The following L2HGDH variants were observed in gnomAD, a reference collection of about 807,000 sequenced individuals.
L2HGDH encodes the protein L-2-hydroxyglutarate dehydrogenase.
In L2HGDH, 34 loss-of-function variants were observed where a neutral mutation model predicts 51.5. The ratio of observed to expected loss-of-function variants is 0.66; its 90% CI spans 0.50 to 0.88. The LOEUF (loss-of-function observed/expected upper bound fraction) is 0.88, where lower values mean the gene tolerates loss of function less well. Among genes scored for constraint, L2HGDH ranks in the 40% least tolerant of loss-of-function variants. The pLI is 0.00. For missense variants in L2HGDH, 558 were observed against 571.9 expected (o/e 0.98, Z 0.25); for synonymous variants, 198 against 197.9 (o/e 1.00, Z -0.01).
chr14:50,282,507 T>C (rs1308579137), intron 5 of L2HGDH: 2 of 456,032 alleles, frequency 4.4e-6, no homozygotes, highest in African/African-American at 4.0e-5. Flanking sequence ...TTATTCAGCT[T>C]GTGGGGAACA....
chr14:50,277,014 T>C (rs1465159), intron 6 of L2HGDH, among the ~76,000 whole-genome samples: 86,820 of 151,954 alleles, frequency 0.57, 24,816 homozygotes, highest in East Asian at 0.66. Flanking sequence ...AAAATGTCTC[T>C]AAACATTGCC....
intron 7 of L2HGDH, among the ~76,000 whole-genome samples, chr14:50,268,562 C>T (rs943676182): frequency 6.6e-5 from 10 of 152,012 alleles, no homozygotes; most frequent in African/African-American, 2.4e-4. Context: ...GAAAAAAATA[C>T]ACATTCATAG....
intron 5 of L2HGDH, among the ~76,000 whole-genome samples, chr14:50,280,628 G>A (rs1006482904): frequency 1.4e-4 from 22 of 152,014 alleles, no homozygotes; most frequent in African/African-American, 5.1e-4. Flanking sequence ...GTACATCTGA[G>A]TCCCATAGGA....
At chr14:50,307,243 T>C (rs1414294272) in intron 1 of L2HGDH, among the ~76,000 whole-genome samples, 1 of 152,188 alleles carries the variant, frequency 6.6e-6, no homozygotes, top group Admixed American at 6.6e-5. Flanking sequence ...CAACTATCAA[T>C]AAACCCTTCT....
At chr14:50,289,006 C>G (rs1258992962) in intron 4 of L2HGDH, among the ~76,000 whole-genome samples, 3 of 152,138 alleles carry the variant, frequency 2.0e-5, no homozygotes, top group African/African-American at 7.2e-5. Context: ...TGGGTTTAAT[C>G]TAAATTTTTT....
intron 4 of L2HGDH, among the ~76,000 whole-genome samples, chr14:50,284,966 G>T (rs926762873): frequency 3.9e-5 from 6 of 152,142 alleles, no homozygotes; most frequent in African/African-American, 1.2e-4. Flanking sequence ...TTCATTTTGC[G>T]GCCGGGCGCA....
chr14:50,254,584 A>G (rs1030000319), intron 9 of L2HGDH, among the ~76,000 whole-genome samples: 1 of 152,110 alleles, frequency 6.6e-6, no homozygotes, highest in African/African-American at 2.4e-5. Context: ...CAGTCAGTAC[A>G]TTCCCTTTGC....
At chr14:50,268,287 G>A (rs1485754643) in intron 7 of L2HGDH, among the ~76,000 whole-genome samples, 1 of 149,840 alleles carries the variant, frequency 6.7e-6, no homozygotes, top group Non-Finnish European at 1.5e-5. Flanking sequence ...GCTGAGGCAT[G>A]AGAATCACTT....
intron 6 of L2HGDH, among the ~76,000 whole-genome samples, chr14:50,277,196 GT>G (rs923361892): frequency 1.9e-4 from 25 of 132,554 alleles, no homozygotes; most frequent in African/African-American, 5.6e-4. Context: ...AAAGTAGACT[GT>G]TTTTTTTTTG....
At chr14:50,300,341 C>G (rs772299803) in intron 3 of L2HGDH, among the ~76,000 whole-genome samples, 2 of 152,158 alleles carry the variant, frequency 1.3e-5, no homozygotes, top group African/African-American at 4.8e-5. Flanking sequence ...GTTGCCCAGG[C>G]TGGAATTCAG....
chr14:50,310,073 A>T (rs2139235615), intron 1 of L2HGDH, among the ~76,000 whole-genome samples: 1 of 152,228 alleles, frequency 6.6e-6, no homozygotes, highest in Middle Eastern at 3.4e-3. Flanking sequence ...AAACACACAC[A>T]CACACACGAA....
intron 5 of L2HGDH, among the ~76,000 whole-genome samples, chr14:50,278,921 T>C (rs571809337): frequency 9.2e-5 from 14 of 152,226 alleles, no homozygotes; most frequent in Non-Finnish European, 1.9e-4. Flanking sequence ...ATGAGAAACC[T>C]TGTCATCCAA....
Position 50,247,202 on chromosome 14 carries a change from T to C in L2HGDH, c.1248A>G (p.Val416=). The C allele has an allele frequency of 6.2e-7, 1 of 1,614,178 alleles. No homozygotes were observed. Among genetic ancestry groups the C allele is most frequent in the Non-Finnish European group, 8.5e-7 (1 of 1,180,030 alleles). The change falls in exon 10 of 10, where the codon GTA becomes GTG. Residue 416 remains valine, a synonymous_variant. Coordinates refer to ENST00000267436, the MANE Select transcript of L2HGDH (RefSeq NM_024884.3). ...AQALDRDGNL[V]EDFVFDAGVG... Reference sequence around the variant, plus strand: ...CTCCTGCATCAAATACAAAATCTTCTACCAGATTTCCATCTCTATCCAGGG... The same window carrying C: ...CTCCTGCATCAAATACAAAATCTTCCACCAGATTTCCATCTCTATCCAGGG...
chr14:50,291,812 T>C (rs1890899688), intron 4 of L2HGDH, among the ~76,000 whole-genome samples: 1 of 152,086 alleles, frequency 6.6e-6, no homozygotes, highest in Non-Finnish European at 1.5e-5. Context: ...TATAAAACTA[T>C]ACAAACTAGG....
intron 3 of L2HGDH, among the ~76,000 whole-genome samples, chr14:50,295,601 T>TA (rs2029987387): frequency 7.0e-6 from 1 of 142,036 alleles, no homozygotes; most frequent in Non-Finnish European, 1.5e-5. Flanking sequence ...TTTTTTTTTT[T>TA]AGTAGAGACA....
intron 3 of L2HGDH, among the ~76,000 whole-genome samples, chr14:50,294,857 TAAAG>T (rs1186821867): frequency 6.6e-6 from 1 of 152,192 alleles, no homozygotes; most frequent in Non-Finnish European, 1.5e-5. Context: ...CTTCTTTACT[TAAAG>T]AAAGGGGCAA....
intron 1 of L2HGDH, among the ~76,000 whole-genome samples, chr14:50,303,823 A>AC (rs1235241623): frequency 1.3e-4 from 20 of 151,124 alleles, no homozygotes; most frequent in African/African-American, 4.6e-4. Flanking sequence ...AAAAAAAAAA[A>AC]AAAAACCTCA....
chr14:50,245,709 C>T lies in L2HGDH; in HGVS notation c.*1349G>A, dbSNP rs1383692158. On this transcript the variant is annotated 3_prime_UTR_variant, in exon 10 of 10. Transcript: ENST00000267436. Reference sequence around the variant, plus strand: ...TGAGAGACCAAACGAGCTTAGGTAGCGTAATGCTAAAAAATTGATTTAAGG... The same window carrying T: ...TGAGAGACCAAACGAGCTTAGGTAGTGTAATGCTAAAAAATTGATTTAAGG... 1.0e-5 allele frequency: 10 copies of T among 984,898 alleles called. No homozygotes were observed. The highest frequency in any genetic ancestry group is 4.7e-5 in the South Asian group (1 of 21,270). The allele number at this position is 984,898 out of a possible 1,614,324, so 61.0% of individuals were successfully genotyped here.
At chr14:50,293,859 G>C (rs780648920) in intron 4 of L2HGDH, among the ~76,000 whole-genome samples, 1 of 152,124 alleles carries the variant, frequency 6.6e-6, no homozygotes, top group Admixed American at 6.5e-5. Flanking sequence ...TCACTGCTCA[G>C]TGTTTTCCAA....
Sources: allele counts gnomAD v4.1 joint callset (sites outside exome capture counted in the v4.1 genomes callset), GRCh38; gene constraint gnomAD v4.1.1; transcripts MANE v1.5; gene names NCBI Gene and HGNC (gene_info 2026-07-23, HGNC 2026-07-21).